PDE1C: variants seen among roughly 807,000 people sequenced by gnomAD.
The protein encoded by PDE1C is phosphodiesterase 1C, also known as dual specificity calcium/calmodulin-dependent 3',5'-cyclic nucleotide phosphodiesterase 1C.
Under a neutral mutation model 93.1 loss-of-function variants are expected in PDE1C, and 62 were observed. The observed-to-expected ratio is 0.67, with a 90% CI of 0.54 to 0.82. The LOEUF is 0.82. Among genes scored for constraint, PDE1C ranks in the 40% least tolerant of loss-of-function variants. The pLI, the probability that PDE1C is intolerant of heterozygous loss-of-function variation, is 0.00. For missense variants in PDE1C, 742 were observed against 884.6 expected (o/e 0.84, Z 2.04); for synonymous variants, 325 against 310.1 (o/e 1.05, Z -0.50).
At chr7:32,258,079 C>A (rs1193227315) in intron 1 of PDE1C, among the ~76,000 whole-genome samples, 1 of 152,148 alleles carries the variant, frequency 6.6e-6, no homozygotes, top group African/African-American at 2.4e-5. Context: ...TGGAATAGTA[C>A]CCCAAAGGTA....
At chr7:32,175,043 G>C (rs888364952) in intron 2 of PDE1C, among the ~76,000 whole-genome samples, 1 of 152,082 alleles carries the variant, frequency 6.6e-6, no homozygotes, top group African/African-American at 2.4e-5. Context: ...TCTACATTAA[G>C]GGCTCCCAAA....
intron 2 of PDE1C, among the ~76,000 whole-genome samples, chr7:32,193,807 A>T (rs914412999): frequency 4.6e-5 from 7 of 151,456 alleles, no homozygotes; most frequent in Non-Finnish European, 7.4e-5. Context: ...ACAGCTTTTT[A>T]TTACATACTA....
chr7:32,085,395 T>C (rs1449830641), intron 3 of PDE1C, among the ~76,000 whole-genome samples: 8 of 144,606 alleles, frequency 5.5e-5, no homozygotes, highest in African/African-American at 1.3e-4. Flanking sequence ...CAGGACCAGA[T>C]GGATTCACAG....
At chr7:31,657,849 A>G in the PDE1C span, among the ~76,000 whole-genome samples, 1 of 152,218 alleles carries the variant, frequency 6.6e-6, no homozygotes, top group African/African-American at 2.4e-5. Context: ...TCTCATTTAA[A>G]TGAAAATGAA....
chr7:32,084,116 G>T (rs1796898078), intron 3 of PDE1C, among the ~76,000 whole-genome samples: 1 of 152,094 alleles, frequency 6.6e-6, no homozygotes, highest in South Asian at 2.1e-4. Context: ...CATCTCACGT[G>T]CAGAGACACA....
chr7:31,648,237 ATTGAAG>A, the PDE1C span, among the ~76,000 whole-genome samples: 1 of 152,192 alleles, frequency 6.6e-6, no homozygotes, highest in Non-Finnish European at 1.5e-5. Flanking sequence ...TGCTCTTACC[ATTGAAG>A]TTAAAGTTTG....
At chr7:32,307,137 C>T (rs772913474) in intron 1 of PDE1C, among the ~76,000 whole-genome samples, 1 of 152,134 alleles carries the variant, frequency 6.6e-6, no homozygotes, top group Non-Finnish European at 1.5e-5. Flanking sequence ...GCATCTGTAA[C>T]AAATATCCAA....
intron 11 of PDE1C, among the ~76,000 whole-genome samples, chr7:31,830,560 T>C (rs1790253301): frequency 6.6e-6 from 1 of 152,200 alleles, no homozygotes; most frequent in Non-Finnish European, 1.5e-5. Flanking sequence ...ACACTCAAGT[T>C]CCTTTGGCCA....
intron 1 of PDE1C, among the ~76,000 whole-genome samples, chr7:32,251,562 G>C (rs1422739026): frequency 6.6e-6 from 1 of 152,102 alleles, no homozygotes; most frequent in East Asian, 1.9e-4. Context: ...CATCTTCTCT[G>C]GATTGCTGTC....
chr7:32,407,613 C>T (rs568610619), intron 1 of PDE1C, among the ~76,000 whole-genome samples: 2 of 152,142 alleles, frequency 1.3e-5, no homozygotes, highest in Admixed American at 6.5e-5. Flanking sequence ...GTGAGAGAGC[C>T]GGTGTGTTTT....
intron 2 of PDE1C, among the ~76,000 whole-genome samples, chr7:31,906,663 C>A (rs1031103816): frequency 6.6e-6 from 1 of 152,230 alleles, no homozygotes; most frequent in East Asian, 1.9e-4. Flanking sequence ...TTCACTCATG[C>A]AGCAGTGAGC....
intron 3 of PDE1C, among the ~76,000 whole-genome samples, chr7:32,160,118 A>G (rs1401396654): frequency 6.6e-6 from 1 of 152,132 alleles, no homozygotes; most frequent in Non-Finnish European, 1.5e-5. Context: ...AAAGGCGGGA[A>G]GGGGAGTCAG....
At chr7:32,088,256 G>C (rs1797242487) in intron 3 of PDE1C, among the ~76,000 whole-genome samples, 1 of 152,108 alleles carries the variant, frequency 6.6e-6, no homozygotes, top group African/African-American at 2.4e-5. Flanking sequence ...AAGGCAAAAA[G>C]ACTTCCGAAA....
intron 1 of PDE1C, among the ~76,000 whole-genome samples, chr7:32,220,701 C>A (rs911221879): frequency 5.3e-5 from 8 of 152,150 alleles, no homozygotes; most frequent in African/African-American, 1.9e-4. Flanking sequence ...GCCTGTAGTC[C>A]CAGCTACTCG....
chr7:32,021,563 ACTTATTCTGTAGTTC>A (rs1394571223), intron 2 of PDE1C, among the ~76,000 whole-genome samples: 1 of 152,142 alleles, frequency 6.6e-6, no homozygotes, highest in East Asian at 1.9e-4. Context: ...CAAACGAAAT[ACTTATTCTGTAGTTC>A]CACTTGCCTT....
intron 3 of PDE1C, among the ~76,000 whole-genome samples, chr7:32,155,341 G>A (rs1160321558): frequency 6.6e-6 from 1 of 152,228 alleles, no homozygotes; most frequent in African/African-American, 2.4e-5. Context: ...TCACAGGGTT[G>A]TTATAAGGAT....
intron 2 of PDE1C, among the ~76,000 whole-genome samples, chr7:32,025,170 C>T (rs1248144807): frequency 6.6e-6 from 1 of 152,146 alleles, no homozygotes; most frequent in African/African-American, 2.4e-5. Flanking sequence ...GAGTTATCCT[C>T]TTTTCAGAAG....
rs149514340 is a variant in PDE1C at position 31,858,273 on chromosome 7, A to T, written c.750+6669T>A. Among the ~76,000 whole-genome samples, 735 of 152,234 alleles carry T rather than the reference A, an allele frequency of 4.8e-3. 10 individuals carry two copies. The highest frequency in any genetic ancestry group is 0.017 in the African/African-American group (689 of 41,538). ...ACTGTGTGAGTCATTTTGGCCAGTG[A>T]GTTGTGAGCAGAAGTGATGAGCAGA... On this transcript the variant is annotated intron_variant, in intron 7 of 17. Coordinates refer to ENST00000396191, the MANE Select transcript of PDE1C (RefSeq NM_001191057.4).
chr7:32,070,814 A>G (rs1165085073), upstream of PDE1C: 15 of 989,808 alleles, frequency 1.5e-5, no homozygotes, highest in Non-Finnish European at 1.8e-5. Flanking sequence ...TGGGGAGGAG[A>G]GAAAGTGAGA....
Sources: gnomAD v4.1 joint callset for allele counts (sites outside exome capture counted in the v4.1 genomes callset) on GRCh38, gnomAD v4.1.1 for gene constraint, MANE v1.5 for transcripts, NCBI Gene and HGNC (gene_info 2026-07-23, HGNC 2026-07-21) for gene names.